UBE2R2: variants seen among roughly 807,000 people sequenced by gnomAD.
UBE2R2 encodes ubiquitin conjugating enzyme E2 R2, also known as ubiquitin-conjugating enzyme E2 R2.
In UBE2R2, 1 loss-of-function variant was observed where a neutral mutation model predicts 27.8. The observed-to-expected ratio is 0.04, with a 90% CI of 0.01 to 0.17. The LOEUF is 0.17. Among genes scored for constraint, UBE2R2 ranks in the 10% least tolerant of loss-of-function variants. UBE2R2 has a pLI of 1.00. For synonymous variants in UBE2R2, 106 were observed against 113.3 expected (o/e 0.94, Z 0.41); for missense variants, 100 against 291.0 (o/e 0.34, Z 4.78).
At chr9:33,878,091 G>GC (rs1479661412) in intron 1 of UBE2R2, among the ~76,000 whole-genome samples, 2 of 151,944 alleles carry the variant, frequency 1.3e-5, no homozygotes, top group Non-Finnish European at 2.9e-5. Flanking sequence ...TATTTGTCAG[G>GC]CACAGTTCTA....
chr9:33,884,243 C>T (rs1821805007), intron 1 of UBE2R2, among the ~76,000 whole-genome samples: 1 of 53,584 alleles, frequency 1.9e-5, no homozygotes, highest in South Asian at 9.1e-4. Flanking sequence ...TCTTCCCCCT[C>T]TCTTCCCCCT....
chr9:33,858,799 T>C (rs983428096), intron 1 of UBE2R2, among the ~76,000 whole-genome samples: 1 of 151,742 alleles, frequency 6.6e-6, no homozygotes, highest in Non-Finnish European at 1.5e-5. Context: ...TACATTTCAG[T>C]TTATGGAGGA....
intron 1 of UBE2R2, among the ~76,000 whole-genome samples, chr9:33,820,514 A>G (rs1825962807): frequency 6.6e-6 from 1 of 152,206 alleles, no homozygotes; most frequent in Non-Finnish European, 1.5e-5. Context: ...AGCAGTTGAC[A>G]CTGGGGATAT....
chr9:33,879,137 G>A (rs2130788395), intron 1 of UBE2R2, among the ~76,000 whole-genome samples: 1 of 152,280 alleles, frequency 6.6e-6, no homozygotes, highest in East Asian at 1.9e-4. Context: ...TCAGGAGGCT[G>A]GGGCAGGATC....
rs1822673707 is a variant in UBE2R2, at chr9:33,917,351, A to G, written c.*114A>G. ...AAACCTATTCACAGCGGGTGGGGAA[A>G]CACACACAGCTCCTGCTGACTCCCC... On this transcript the variant is annotated 3_prime_UTR_variant, in exon 5 of 5. Coordinates refer to ENST00000263228, the MANE Select transcript of UBE2R2 (RefSeq NM_017811.4). The G allele has an allele frequency of 8.2e-7, 1 of 1,223,812 alleles. No homozygotes were observed. Among genetic ancestry groups the G allele is most frequent in the Non-Finnish European group, 1.1e-6 (1 of 884,482 alleles). The allele number at this position is 1,223,812 out of a possible 1,614,324, so 75.8% of individuals were successfully genotyped here. A position where few individuals can be genotyped will look rare whatever the true frequency, so the allele number is the denominator to read the frequency against.
intron 1 of UBE2R2, among the ~76,000 whole-genome samples, chr9:33,824,946 T>C (rs1820280715): frequency 6.6e-6 from 1 of 152,108 alleles, no homozygotes; most frequent in Admixed American, 6.6e-5. Flanking sequence ...TTCAATGTCA[T>C]AGATTTGCTA....
At chr9:33,819,421 G>A (rs1157544583) in intron 1 of UBE2R2, among the ~76,000 whole-genome samples, 1 of 152,056 alleles carries the variant, frequency 6.6e-6, no homozygotes, top group Admixed American at 6.5e-5. Context: ...ATGTAAGTGC[G>A]GTACCCCTAC....
At chr9:33,852,330 C>T (rs542370730) in intron 1 of UBE2R2, among the ~76,000 whole-genome samples, 3 of 152,248 alleles carry the variant, frequency 2.0e-5, no homozygotes, top group Admixed American at 2.0e-4. Flanking sequence ...TTTGATCACA[C>T]TAGTGTTATT....
At chr9:33,891,362 G>A (rs561826291) in intron 2 of UBE2R2, among the ~76,000 whole-genome samples, 97 of 151,690 alleles carry the variant, frequency 6.4e-4, no homozygotes, top group Middle Eastern at 3.4e-3. Context: ...AAAGACAGGT[G>A]TGGTCAGGTG....
intron 1 of UBE2R2, among the ~76,000 whole-genome samples, chr9:33,844,869 C>T (rs534348486): frequency 6.6e-6 from 1 of 150,980 alleles, no homozygotes; most frequent in Non-Finnish European, 1.5e-5. Context: ...CGGGTTCAAG[C>T]GATTCTCTTG....
chr9:33,831,414 A>ATACTTT (rs1300595307), intron 1 of UBE2R2, among the ~76,000 whole-genome samples: 1 of 152,110 alleles, frequency 6.6e-6, no homozygotes, highest in Non-Finnish European at 1.5e-5. Flanking sequence ...TTATGACTTA[A>ATACTTT]TACTTTTTGT....
chr9:33,866,710 C>A (rs949037332), intron 1 of UBE2R2, among the ~76,000 whole-genome samples: 1 of 152,124 alleles, frequency 6.6e-6, no homozygotes, highest in Admixed American at 6.6e-5. Context: ...CTTACAGAAC[C>A]ATCTTCCCAT....
At chr9:33,890,426 G>A (rs1821953787) in intron 2 of UBE2R2, among the ~76,000 whole-genome samples, 2 of 152,092 alleles carry the variant, frequency 1.3e-5, no homozygotes, top group African/African-American at 4.8e-5. Flanking sequence ...CATCAGCTGG[G>A]TGTGGTGGCA....
chr9:33,869,293 T>A (rs1220213381), intron 1 of UBE2R2, among the ~76,000 whole-genome samples: 1 of 152,118 alleles, frequency 6.6e-6, no homozygotes, highest in Non-Finnish European at 1.5e-5. Flanking sequence ...ATTTTTTTTG[T>A]CATTGCTGAA....
intron 1 of UBE2R2, among the ~76,000 whole-genome samples, chr9:33,820,610 G>T (rs970476279): frequency 1.3e-5 from 2 of 151,980 alleles, no homozygotes; most frequent in South Asian, 4.2e-4. Flanking sequence ...TTGAAAGTTG[G>T]CACAAAGCTT....
intron 3 of UBE2R2, among the ~76,000 whole-genome samples, chr9:33,901,421 T>G (rs1174494314): frequency 6.6e-6 from 1 of 152,218 alleles, no homozygotes; most frequent in Non-Finnish European, 1.5e-5. Context: ...TCCTGAACTT[T>G]TCATTCTGTA....
chr9:33,823,431 A>G (rs1159089200), intron 1 of UBE2R2, among the ~76,000 whole-genome samples: 2 of 151,992 alleles, frequency 1.3e-5, no homozygotes, highest in Non-Finnish European at 1.5e-5. Flanking sequence ...GCTGAAGTGC[A>G]GTGGCGCGAT....
Position 33,900,157 on chromosome 9 carries a change from A to C in UBE2R2, c.265-17A>C. 6.3e-7 allele frequency: 1 copy of C among 1,599,532 alleles called. No homozygotes were observed. The highest frequency in any genetic ancestry group is 1.3e-5 in the African/African-American group (1 of 74,740). On this transcript the variant is annotated splice_polypyrimidine_tract_variant and intron_variant, in intron 2 of 4. Transcript: ENST00000263228. ...ACTTTTTGAGTATTTACTGAATGTA[A>C]TGTTTGTGTCTTGTAGAATGGAGAT...
chr9:33,877,382 C>T (rs916649223), intron 1 of UBE2R2, among the ~76,000 whole-genome samples: 2 of 151,856 alleles, frequency 1.3e-5, no homozygotes, highest in Non-Finnish European at 2.9e-5. Context: ...TGGGGTTACT[C>T]CTTGTTAGCC....
Sources: allele counts gnomAD v4.1 joint callset (sites outside exome capture counted in the v4.1 genomes callset), GRCh38; gene constraint gnomAD v4.1.1; transcripts MANE v1.5; gene names NCBI Gene and HGNC (gene_info 2026-07-23, HGNC 2026-07-21).